The following GRID2 variants were observed in gnomAD, a reference collection of about 807,000 sequenced individuals.
GRID2 encodes the protein glutamate ionotropic receptor delta type subunit 2, also known as glutamate receptor ionotropic, delta-2.
In GRID2, 33 loss-of-function variants were observed where a neutral mutation model predicts 114.8. That is an observed-to-expected ratio of 0.29 (90% CI 0.22 to 0.38). The LOEUF is 0.38. GRID2 is among the 10% of genes least tolerant of loss of function. GRID2 has a pLI of 1.00. For missense variants in GRID2, 1,184 were observed against 1,257.7 expected (o/e 0.94, Z 0.89); for synonymous variants, 505 against 449.9 (o/e 1.12, Z -1.55).
intron 8 of GRID2, among the ~76,000 whole-genome samples, chr4:93,298,864 CT>C (rs1435434287): frequency 3.3e-5 from 5 of 152,218 alleles, no homozygotes; most frequent in Non-Finnish European, 7.3e-5. Context: ...TACATGGCAT[CT>C]GCTTTTGCTC....
At chr4:92,747,007 A>G (rs1737179931) in intron 2 of GRID2, among the ~76,000 whole-genome samples, 2 of 152,204 alleles carry the variant, frequency 1.3e-5, no homozygotes, top group East Asian at 3.9e-4. Context: ...TTTACTAAAC[A>G]TATAGAGAAT....
At chr4:93,809,034 T>C (rs1004041839) in exon 2 of GRID2, 1 of 152,164 alleles carries the variant, frequency 6.6e-6, no homozygotes, top group Non-Finnish European at 1.5e-5. Context: ...ACCTGACTCT[T>C]ACTTCTCTGA....
At chr4:92,467,957 G>T (rs759224722) in intron 1 of GRID2, among the ~76,000 whole-genome samples, 1 of 151,846 alleles carries the variant, frequency 6.6e-6, no homozygotes, top group Non-Finnish European at 1.5e-5. Context: ...AATGTGACAT[G>T]TAAACTTACC....
chr4:92,634,363 G>C (rs1048067374), intron 2 of GRID2, among the ~76,000 whole-genome samples: 3 of 152,082 alleles, frequency 2.0e-5, no homozygotes, highest in Non-Finnish European at 4.4e-5. Context: ...TGTTCCTAGG[G>C]CACTCTTAAA....
chr4:92,683,767 GAC>G (rs1389315667), intron 2 of GRID2, among the ~76,000 whole-genome samples: 2 of 151,492 alleles, frequency 1.3e-5, no homozygotes, highest in African/African-American at 4.8e-5. Context: ...TTTATTATAA[GAC>G]AAATGTCATT....
chr4:93,339,780 T>C (rs894200836), intron 8 of GRID2, among the ~76,000 whole-genome samples: 7 of 152,064 alleles, frequency 4.6e-5, no homozygotes, highest in African/African-American at 1.7e-4. Flanking sequence ...TCAGCATGGC[T>C]GGGGAGGCCT....
At chr4:93,768,979 G>C (rs754865990) in intron 14 of GRID2, among the ~76,000 whole-genome samples, 1 of 152,038 alleles carries the variant, frequency 6.6e-6, no homozygotes, top group Non-Finnish European at 1.5e-5. Context: ...AAGATGGGAG[G>C]GTGGGATGGG....
intron 8 of GRID2, among the ~76,000 whole-genome samples, chr4:93,343,432 T>C (rs1284115204): frequency 6.6e-6 from 1 of 152,084 alleles, no homozygotes; most frequent in Non-Finnish European, 1.5e-5. Flanking sequence ...CAACTTGTTT[T>C]CCACTTTCAA....
At chr4:92,655,481 G>A (rs1455643558) in intron 2 of GRID2, among the ~76,000 whole-genome samples, 3 of 151,768 alleles carry the variant, frequency 2.0e-5, no homozygotes, top group Non-Finnish European at 4.4e-5. Context: ...GAGTAATGTG[G>A]TCATTTTAAT....
chr4:92,708,861 G>C (rs1735076091), intron 2 of GRID2, among the ~76,000 whole-genome samples: 1 of 152,136 alleles, frequency 6.6e-6, no homozygotes, highest in Non-Finnish European at 1.5e-5. Flanking sequence ...AGGTTGCAGT[G>C]AGCTGAGATC....
intron 2 of GRID2, among the ~76,000 whole-genome samples, chr4:92,983,846 T>C (rs1284609529): frequency 6.6e-6 from 1 of 152,138 alleles, no homozygotes; most frequent in Non-Finnish European, 1.5e-5. Flanking sequence ...GAACTCTGTA[T>C]ATGTTTATTT....
At chr4:93,121,341 C>T (rs1733766546) in intron 4 of GRID2, among the ~76,000 whole-genome samples, 1 of 152,128 alleles carries the variant, frequency 6.6e-6, no homozygotes. Context: ...GTTAAGATCT[C>T]CCCAAAGGTA....
intron 11 of GRID2, among the ~76,000 whole-genome samples, chr4:93,475,327 A>C (rs1243896063): frequency 6.6e-6 from 1 of 152,102 alleles, no homozygotes; most frequent in African/African-American, 2.4e-5. Flanking sequence ...TGTAAAACTG[A>C]AAATTACGGA....
At chr4:93,164,363 G>C (rs973762170) in intron 4 of GRID2, among the ~76,000 whole-genome samples, 12 of 152,032 alleles carry the variant, frequency 7.9e-5, no homozygotes, top group African/African-American at 2.9e-4. Context: ...GCAGCACTGA[G>C]TAGTGGCATC....
chr4:93,219,792 G>A (rs1403421614), intron 6 of GRID2, among the ~76,000 whole-genome samples: 1 of 152,142 alleles, frequency 6.6e-6, no homozygotes, highest in Admixed American at 6.6e-5. Flanking sequence ...TGCTAATGGA[G>A]AGAAAACAGA....
intron 1 of GRID2, among the ~76,000 whole-genome samples, chr4:92,365,502 G>T (rs1728816108): frequency 6.6e-6 from 1 of 151,902 alleles, no homozygotes; most frequent in Admixed American, 6.6e-5. Context: ...TGGTGGTGGT[G>T]GTGGTGGTGA....
rs1037127853 is a variant in GRID2, at chr4:93,058,386, A to T, written c.245-26609A>T. ...AGCAATTGCTTTTATGAGAAATTTT[A>T]AATATTTTTCTATTTTTTCACTATT... On this transcript the variant is annotated intron_variant, in intron 2 of 15. Coordinates refer to ENST00000282020, the MANE Select transcript of GRID2 (RefSeq NM_001510.4). Among the ~76,000 whole-genome samples, 8 of 151,992 alleles carry T rather than the reference A, an allele frequency of 5.3e-5. No individual in the cohort carries two copies. The Admixed American group carries it at 5.3e-4, about 10-fold the overall frequency.
At chr4:92,811,606 G>A (rs1485495994) in intron 2 of GRID2, among the ~76,000 whole-genome samples, 2 of 151,978 alleles carry the variant, frequency 1.3e-5, no homozygotes, top group Non-Finnish European at 2.9e-5. Flanking sequence ...TTCACTAGAG[G>A]TCCAGGATTG....
intron 1 of GRID2, among the ~76,000 whole-genome samples, chr4:92,396,770 T>C (rs1730511025): frequency 6.6e-6 from 1 of 152,018 alleles, no homozygotes; most frequent in Non-Finnish European, 1.5e-5. Flanking sequence ...AAAACATAGT[T>C]CAGAGAAGCA....
Sources: gnomAD v4.1 joint callset for allele counts (sites outside exome capture counted in the v4.1 genomes callset) on GRCh38, gnomAD v4.1.1 for gene constraint, MANE v1.5 for transcripts, NCBI Gene and HGNC (gene_info 2026-07-23, HGNC 2026-07-21) for gene names.